Variants in FAM149B1 observed in about 807,000 individuals in gnomAD.
FAM149B1 encodes family with sequence similarity 149 member B1, also known as primary cilium assembly protein FAM149B1.
In FAM149B1, 56 loss-of-function variants were observed where a neutral mutation model predicts 75.3. The ratio of observed to expected loss-of-function variants is 0.74; its 90% CI spans 0.60 to 0.93. The LOEUF is 0.93. Among genes scored for constraint, FAM149B1 ranks in the 40% least tolerant of loss-of-function variants. The pLI, the probability that FAM149B1 is intolerant of heterozygous loss-of-function variation, is 0.00. For missense variants in FAM149B1, 639 were observed against 708.4 expected (o/e 0.90, Z 1.11); for synonymous variants, 259 against 256.1 (o/e 1.01, Z -0.11).
At position 73,241,165 on chromosome 10, in the gene FAM149B1, C is replaced by T; in HGVS notation, c.*146C>T. On this transcript the variant is annotated 3_prime_UTR_variant, in exon 14 of 14. Coordinates refer to ENST00000242505, the MANE Select transcript of FAM149B1 (RefSeq NM_173348.2). Reference sequence around the variant, plus strand: ...GATTTTGGCACAAGTGACCGAAGAACAAAACACCATAGCAGCCAAAAATGA... The same window carrying T: ...GATTTTGGCACAAGTGACCGAAGAATAAAACACCATAGCAGCCAAAAATGA... 1 of 636,564 alleles carries T rather than the reference C, an allele frequency of 1.6e-6. No homozygotes were observed. Among genetic ancestry groups the T allele is most frequent in the East Asian group, 3.0e-5 (1 of 33,704 alleles). The allele number at this position is 636,564 out of a possible 1,614,324, so 39.4% of individuals were successfully genotyped here.
chr10:73,181,953 T>C (rs1349544985), intron 3 of FAM149B1, among the ~76,000 whole-genome samples: 2 of 152,208 alleles, frequency 1.3e-5, no homozygotes, highest in Non-Finnish European at 2.9e-5. Flanking sequence ...TTAAATTTGT[T>C]ATATGTTCTT....
At chr10:73,194,382 G>A (rs1487633901) in intron 5 of FAM149B1, among the ~76,000 whole-genome samples, 1 of 152,162 alleles carries the variant, frequency 6.6e-6, no homozygotes, top group East Asian at 1.9e-4. Context: ...TTGAAAAAGT[G>A]ATTTATTTTT....
intron 3 of FAM149B1, among the ~76,000 whole-genome samples, chr10:73,188,067 A>T (rs1196422080): frequency 6.6e-6 from 1 of 152,160 alleles, no homozygotes; most frequent in African/African-American, 2.4e-5. Flanking sequence ...TGAGTGACAG[A>T]GCATGACTCC....
rs186424892 is a variant in FAM149B1 at position 73,233,807 on chromosome 10, T to C, written c.1352+644T>C. The stretch of plus-strand genomic sequence containing the variant: ...AAACATTTTCCGTGCTGGGAACATA[T>C]TCAGTGAAATTCACTCCAAAATAAT... On this transcript the variant is annotated intron_variant, in intron 10 of 13. Transcript: ENST00000242505. Among the ~76,000 whole-genome samples the C allele has an allele frequency of 4.3e-4, 65 of 152,324 alleles. 1 individual carries two copies. The highest frequency in any genetic ancestry group is 1.6e-3 in the Admixed American group (25 of 15,306).
chr10:73,189,800 A>T (rs1340806004), intron 3 of FAM149B1, among the ~76,000 whole-genome samples: 1 of 152,238 alleles, frequency 6.6e-6, no homozygotes, highest in African/African-American at 2.4e-5. Flanking sequence ...ACTAGGGTGA[A>T]TATTTTGTCA....
At chr10:73,210,062 C>T (rs891359329) in intron 6 of FAM149B1, among the ~76,000 whole-genome samples, 189 bp from the exon 7 acceptor site, 4 of 152,186 alleles carry the variant, frequency 2.6e-5, no homozygotes, top group Non-Finnish European at 2.9e-5. Flanking sequence ...TGCCTCCTTC[C>T]CTTTCACTTC....
intron 5 of FAM149B1, among the ~76,000 whole-genome samples, chr10:73,203,412 A>G (rs1407959504): frequency 6.6e-6 from 1 of 152,214 alleles, no homozygotes; most frequent in East Asian, 1.9e-4. Context: ...AGGGGCATCT[A>G]GCATTCTCTA....
Position 73,243,220 on chromosome 10 carries a change from T to G in FAM149B1, c.*2201T>G, listed in dbSNP as rs2043973710. The G allele has an allele frequency of 4.7e-6, 3 of 641,814 alleles. No homozygotes were observed. The highest frequency in any genetic ancestry group is 7.9e-6 in the Non-Finnish European group (3 of 380,110). 39.8% of individuals were successfully genotyped at this position (641,814 alleles called of 1,614,324 possible). A position where few individuals can be genotyped will look rare whatever the true frequency, so the allele number is the denominator to read the frequency against. On this transcript the variant is annotated 3_prime_UTR_variant, in exon 14 of 14. Transcript: ENST00000242505. ...GAGACCTCACACAATGTCAAGTGCT[T>G]TCTAGGAAATACTAAGATCAGGTTG... is the stretch of plus-strand genomic sequence containing the variant.
At chr10:73,239,060 C>T (rs2043886351) in intron 12 of FAM149B1, 1 of 391,636 alleles carries the variant, frequency 2.6e-6, no homozygotes, top group African/African-American at 2.0e-5. Context: ...TTATTTATAA[C>T]TCCTGATTTC....
intron 1 of FAM149B1, chr10:73,169,076 G>A (rs1321644623): frequency 2.0e-5 from 3 of 151,980 alleles, no homozygotes; most frequent in Admixed American, 2.0e-4. Flanking sequence ...CACTTTGGGA[G>A]GCTGAGGCGG....
intron 10 of FAM149B1, 52 bp from the exon 11 acceptor site, chr10:73,234,764 AT>A: frequency 6.5e-7 from 1 of 1,532,106 alleles, no homozygotes; most frequent in Non-Finnish European, 8.8e-7. Context: ...ATTTGCTGGT[AT>A]TGTTATAACT....
rs898458045 is a variant in FAM149B1, at chr10:73,174,702, A to G, written c.63A>G (p.Lys21=). 19 of 1,550,430 alleles carry G rather than the reference A, an allele frequency of 1.2e-5. No homozygotes were observed. The African/African-American group carries it at 1.8e-4, about 15-fold the overall frequency. ...PQSLELKGIT[K]HALNHHPPPE... is the part of the protein sequence containing the mutation. ...TCTTTCACAGGAAAGGAATAACAAA[A>G]CATGCTCTTAACCATCATCCCCCTC... The change falls in exon 2 of 14, where the codon AAA becomes AAG. Residue 21 remains lysine (K), a synonymous_variant. Transcript: ENST00000242505.
chr10:73,240,897 A>T (rs1244543245), intron 13 of FAM149B1, 49 bp from the exon 14 acceptor site: 1 of 1,106,424 alleles, frequency 9.0e-7, no homozygotes, highest in South Asian at 1.3e-5. Flanking sequence ...CTTGAGAGTG[A>T]TTATCAAACC....
At chr10:73,177,076 C>T (rs533601584) in intron 2 of FAM149B1, among the ~76,000 whole-genome samples, 3 of 152,064 alleles carry the variant, frequency 2.0e-5, no homozygotes, top group South Asian at 4.2e-4. Context: ...TGGTGGCACA[C>T]ACCTGTAGTC....
Position 73,176,690 on chromosome 10 carries a change from A to T in FAM149B1, c.153-1156A>T, listed in dbSNP as rs544363846. Reference sequence around the variant, plus strand: ...CACTTGAGCTCAGGAGTTCAAGACCAGCCTGGGCAATATGGCAAAACTCTG... The same window carrying T: ...CACTTGAGCTCAGGAGTTCAAGACCTGCCTGGGCAATATGGCAAAACTCTG... On this transcript the variant is annotated intron_variant, in intron 2 of 13. Transcript: ENST00000242505. 7.9e-4 allele frequency among the ~76,000 whole-genome samples: 121 copies of T among 152,260 alleles called. 1 individual carries two copies. In the South Asian group the frequency reaches 0.013, roughly 17 times the overall value.
chr10:73,234,863 A>T lies in FAM149B1; in HGVS notation c.1399A>T (p.Ser467Cys). ...SLSSPSPTPL[S>C]RNNLLPPIGT... Reference sequence around the variant, plus strand: ...CTCCTCTCCCTCACCGACGCCCCTGAGTCGAAATAATCTGCTACCACCTAT... The same window carrying T: ...CTCCTCTCCCTCACCGACGCCCCTGTGTCGAAATAATCTGCTACCACCTAT... Residue 467 changes from serine (S) to cysteine (C), a missense_variant, in exon 11 of 14, where the codon AGT (serine) becomes TGT (cysteine). Physicochemically the swap from Ser to Cys is moderately radical, Grantham distance 112. Coordinates refer to ENST00000242505, the MANE Select transcript of FAM149B1 (RefSeq NM_173348.2). The T allele has an allele frequency of 6.4e-7, 1 of 1,551,764 alleles. No homozygotes were observed.
intron 12 of FAM149B1, among the ~76,000 whole-genome samples, chr10:73,238,444 C>T (rs984540082): frequency 6.6e-6 from 1 of 152,264 alleles, no homozygotes; most frequent in Admixed American, 6.5e-5. Flanking sequence ...GGCCAGTAAA[C>T]TACAGTTCCT....
chr10:73,187,048 A>T (rs2042541439), intron 3 of FAM149B1, among the ~76,000 whole-genome samples: 1 of 152,256 alleles, frequency 6.6e-6, no homozygotes, highest in Non-Finnish European at 1.5e-5. Flanking sequence ...ATCTAAATTT[A>T]AAAATTTGTA....
chr10:73,179,088 C>G (rs1459094336), intron 3 of FAM149B1, among the ~76,000 whole-genome samples: 1 of 152,118 alleles, frequency 6.6e-6, no homozygotes, highest in East Asian at 1.9e-4. Flanking sequence ...CCTCACCCTC[C>G]TGAGTAGCTA....
Sources: allele counts gnomAD v4.1 joint callset (sites outside exome capture counted in the v4.1 genomes callset), GRCh38; gene constraint gnomAD v4.1.1; transcripts MANE v1.5; gene names NCBI Gene and HGNC (gene_info 2026-07-23, HGNC 2026-07-21).